Variants in PIWIL3 observed in about 807,000 individuals in gnomAD.
PIWIL3 encodes piwi like RNA-mediated gene silencing 3.
A neutral mutation model predicts 109.7 loss-of-function variants in PIWIL3; 101 were observed. That is an observed-to-expected ratio of 0.92 (90% CI 0.78 to 1.09). The LOEUF is 1.09. Ranked by LOEUF, PIWIL3 falls within the 50% of genes least tolerant of loss-of-function variation. The probability of loss-of-function intolerance (pLI) is 0.00; values close to 1 mark genes in which losing one functional copy is unlikely to be tolerated. For missense variants in PIWIL3, 1,031 were observed against 1,072.6 expected, an observed-to-expected ratio of 0.96 and a Z score of 0.54; for synonymous variants, 373 against 376.4, an observed-to-expected ratio of 0.99 and a Z score of 0.10.
At position 24,760,780 on chromosome 22, in the gene PIWIL3, C is replaced by CAAAAAAAAAAAAAAAAAA. The variant is rs61469163; in HGVS notation, c.103-809_103-792dup. Among the ~76,000 whole-genome samples, 45 of 41,026 alleles carry CAAAAAAAAAAAAAAAAAA rather than the reference C, an allele frequency of 1.1e-3. 4 individuals are homozygous for CAAAAAAAAAAAAAAAAAA. Among genetic ancestry groups the CAAAAAAAAAAAAAAAAAA allele is most frequent in the East Asian group, 3.2e-3 (3 of 940 alleles). 26.9% of individuals were successfully genotyped at this position (41,026 alleles called of 152,430 possible). On this transcript the variant is annotated intron_variant, in intron 2 of 20. Transcript: ENST00000616349. ...GGGCAACAAGAGCGAAACTCTGTCT[C>CAAAAAAAAAAAAAAAAAA]AAAAAAAAAAAAAAAAAAAAAAAGC...
Position 24,759,992 on chromosome 22 carries a change from G to A in PIWIL3, c.103-3C>T. The A allele has an allele frequency of 6.2e-7, 1 of 1,613,788 alleles. No homozygotes were observed. Among genetic ancestry groups the A allele is most frequent in the Non-Finnish European group, 8.5e-7 (1 of 1,179,966 alleles). ...TGCAACTGAGGGGGCTCCTGGGTCT[G>A]CATGTTTTTGGAAATAGAAATAATG... On this transcript the variant is annotated splice_region_variant and splice_polypyrimidine_tract_variant and intron_variant, in intron 2 of 20. Transcript: ENST00000616349.
chr22:24,748,089 T>C (rs1384582280), intron 12 of PIWIL3, among the ~76,000 whole-genome samples: 1 of 143,988 alleles, frequency 6.9e-6, no homozygotes. Flanking sequence ...AATGGAGTAC[T>C]ATTCAGCCGT....
In PIWIL3 at chr22:24,754,810, CT is replaced by C; in HGVS notation, c.746del (p.Lys249ArgfsTer36). The C allele has an allele frequency of 6.2e-7, 1 of 1,611,962 alleles. No homozygotes were observed. The highest frequency in any genetic ancestry group is 8.5e-7 in the Non-Finnish European group (1 of 1,178,198). ...CATGACGGTATAACTGAATGGCCTT[CT>C]TTTTGGTATAATAGTTGCGACCAAC... ...EQVGRNYYTK[K>X]KAIQLYRHGT... is the part of the protein sequence containing the mutation. On this transcript the variant is annotated frameshift_variant, in exon 7 of 21. Coordinates refer to ENST00000616349, the MANE Select transcript of PIWIL3 (RefSeq NM_001255975.1). LOFTEE classifies it high-confidence loss of function.
Position 24,748,972 on chromosome 22 carries a change from T to C in PIWIL3, c.1384A>G (p.Thr462Ala). The C allele has an allele frequency of 6.2e-7, 1 of 1,613,820 alleles. No individual in the cohort carries two copies. Among genetic ancestry groups the C allele is most frequent in the Non-Finnish European group, 8.5e-7 (1 of 1,179,912 alleles). The part of the protein sequence containing the change: ...LLQLWDLKFD[T>A]NFLSVPGRVL... ...CTTCCCGGGACGGACAAAAAATTGG[T>C]ATCAAATTTCAAATCCCAGAGTTGA... The change falls in exon 12 of 21, where the codon ACC (threonine) becomes GCC (alanine). Residue 462 changes from threonine (T) to alanine (A), a missense_variant. Physicochemically the swap from Thr to Ala is moderately conservative, Grantham distance 58 (BLOSUM62 0). Coordinates refer to ENST00000616349, the MANE Select transcript of PIWIL3 (RefSeq NM_001255975.1).
intron 13 of PIWIL3, 38 bp from the exon 14 acceptor site, chr22:24,734,194 C>CA: frequency 6.3e-7 from 1 of 1,591,564 alleles, no homozygotes; most frequent in African/African-American, 1.4e-5. Context: ...CAAAAGATAC[C>CA]AACCAGTGAA....
chr22:24,762,998 TG>T (rs1925534078), intron 1 of PIWIL3, among the ~76,000 whole-genome samples: 1 of 152,114 alleles, frequency 6.6e-6, no homozygotes, highest in African/African-American at 2.4e-5. Context: ...CACCTGGTAA[TG>T]TTTTTTTTCC....
At chr22:24,720,292 G>GTTT (rs1922599934) in intron 19 of PIWIL3, among the ~76,000 whole-genome samples, 1 of 80,762 alleles carries the variant, frequency 1.2e-5, no homozygotes, top group African/African-American at 6.0e-5. Flanking sequence ...TTTTTTTTTA[G>GTTT]ACGGAGTCTG....
At chr22:24,752,399 C>T (rs1485424527) in intron 8 of PIWIL3, among the ~76,000 whole-genome samples, 4 of 152,126 alleles carry the variant, frequency 2.6e-5, no homozygotes, top group Admixed American at 2.6e-4. Context: ...GAGATCACAT[C>T]TGCATAATGA....
At chr22:24,752,443 G>C (rs1193648411) in intron 8 of PIWIL3, among the ~76,000 whole-genome samples, 4 of 152,040 alleles carry the variant, frequency 2.6e-5, no homozygotes, top group Non-Finnish European at 5.9e-5. Context: ...CTCTTCGCAG[G>C]CTATGTAAAT....
At chr22:24,724,162 C>T (rs944804378) in intron 18 of PIWIL3, among the ~76,000 whole-genome samples, 1 of 152,102 alleles carries the variant, frequency 6.6e-6, no homozygotes, top group Non-Finnish European at 1.5e-5. Flanking sequence ...TCCCGGCGCT[C>T]CCCCACCCAT....
Position 24,754,772 on chromosome 22 carries a change from C to CT in PIWIL3, c.773+11dup. 1 of 1,582,444 alleles carries CT rather than the reference C, an allele frequency of 6.3e-7. No individual in the cohort carries two copies. The highest frequency in any genetic ancestry group is 1.1e-5 in the South Asian group (1 of 90,392). On this transcript the variant is annotated intron_variant, in intron 7 of 20. Coordinates refer to ENST00000616349, the MANE Select transcript of PIWIL3 (RefSeq NM_001255975.1). ...AGTCTGCAGAGTGTGAAATTTTCTA[C>CT]TTTATACAAACCCATGACGGTATAA...
At chr22:24,727,917 A>C in intron 16 of PIWIL3, 33 bp downstream of exon 16, 1 of 1,534,164 alleles carries the variant, frequency 6.5e-7, no homozygotes, top group Non-Finnish European at 9.0e-7. Flanking sequence ...ACAGTCAGCT[A>C]CTAACTAAAC....
rs1382449636 is a variant in PIWIL3, at chr22:24,727,881, T to TTA, written c.2009+67_2009+68dup. The TTA allele has an allele frequency of 2.4e-6, 3 of 1,241,828 alleles. No homozygotes were observed. In the Admixed American group the frequency reaches 5.8e-5, roughly 24 times the overall value. 76.9% of individuals were successfully genotyped at this position (1,241,828 alleles called of 1,614,324 possible). On this transcript the variant is annotated intron_variant, in intron 16 of 20. Coordinates refer to ENST00000616349, the MANE Select transcript of PIWIL3 (RefSeq NM_001255975.1). ...AACCTCTTGAGTTAACACATATTAA[T>TTA]TAGGTTCATCTTTTCTATTTGGTCC...
intron 19 of PIWIL3, among the ~76,000 whole-genome samples, chr22:24,722,886 T>TA (rs1922758143): frequency 6.6e-6 from 1 of 152,198 alleles, no homozygotes; most frequent in Admixed American, 6.5e-5. Context: ...ACACTGAAGT[T>TA]AAATCTTACG....
At chr22:24,753,381 G>GA (rs922814727) in intron 8 of PIWIL3, among the ~76,000 whole-genome samples, 37 of 152,298 alleles carry the variant, frequency 2.4e-4, no homozygotes, top group Non-Finnish European at 4.4e-4. Context: ...CAACATTATT[G>GA]AAAAGACTAT....
At chr22:24,733,141 A>T (rs1923452633) in intron 14 of PIWIL3, among the ~76,000 whole-genome samples, 1 of 152,158 alleles carries the variant, frequency 6.6e-6, no homozygotes, top group Non-Finnish European at 1.5e-5. Context: ...AGGGTTCCCT[A>T]GGGGCAATTA....
chr22:24,738,233 ACAAAAGAAT>A (rs1601831831), intron 12 of PIWIL3, among the ~76,000 whole-genome samples: 2 of 152,364 alleles, frequency 1.3e-5, no homozygotes, highest in Non-Finnish European at 2.9e-5. Flanking sequence ...CAGCCACAGT[ACAAAAGAAT>A]ACCAGGTGGG....
intron 13 of PIWIL3, among the ~76,000 whole-genome samples, chr22:24,734,986 C>T (rs1277772898): frequency 6.6e-6 from 1 of 151,778 alleles, no homozygotes; most frequent in Non-Finnish European, 1.5e-5. Flanking sequence ...AGACTACATA[C>T]TGTATGAGTC....
At chr22:24,731,055 C>A (rs1375429457) in intron 14 of PIWIL3, among the ~76,000 whole-genome samples, 5 of 152,090 alleles carry the variant, frequency 3.3e-5, no homozygotes, top group Non-Finnish European at 7.4e-5. Context: ...TGGAATGTAA[C>A]AAAAGCCCAC....
Sources: gnomAD v4.1 joint callset for allele counts (sites outside exome capture counted in the v4.1 genomes callset) on GRCh38, gnomAD v4.1.1 for gene constraint, MANE v1.5 for transcripts, NCBI Gene and HGNC (gene_info 2026-07-23, HGNC 2026-07-21) for gene names.